The following GCA variants were observed in gnomAD, a reference collection of about 807,000 sequenced individuals.
The protein encoded by GCA is grancalcin, EF-hand calcium-binding protein.
A neutral mutation model predicts 32.6 loss-of-function variants in GCA; 30 were observed. The ratio of observed to expected loss-of-function variants is 0.92; its 90% CI spans 0.69 to 1.25. GCA has a LOEUF of 1.25. Among genes scored for constraint, GCA ranks in the 50% most tolerant of loss-of-function variants. The probability of loss-of-function intolerance (pLI) is 0.00; values close to 1 mark genes in which losing one functional copy is unlikely to be tolerated. For synonymous variants in GCA, 102 were observed against 84.6 expected (o/e 1.21, Z -1.13); for missense variants, 291 against 266.8 (o/e 1.09, Z -0.63).
At chr2:162,371,876 C>T (rs144025747), downstream of GCA, 124 of 1,613,304 alleles carry the variant, frequency 7.7e-5, no homozygotes, top group Middle Eastern at 8.3e-4. Context: ...TGAAGACCCA[C>T]GATTCCTACA....
At chr2:162,334,560 T>C (rs1482904092) in intron 1 of GCA, among the ~76,000 whole-genome samples, 1 of 152,216 alleles carries the variant, frequency 6.6e-6, no homozygotes, top group Non-Finnish European at 1.5e-5. Context: ...ATCGTTTTCA[T>C]GACTGTGCCT....
upstream of GCA, among the ~76,000 whole-genome samples, chr2:162,339,592 G>A (rs1180350098): frequency 6.6e-6 from 1 of 152,128 alleles, no homozygotes; most frequent in East Asian, 1.9e-4. Context: ...AGATCTTTAG[G>A]AGACAATTCA....
downstream of GCA, among the ~76,000 whole-genome samples, chr2:162,372,502 A>G (rs903758704): frequency 6.6e-6 from 1 of 152,174 alleles, no homozygotes; most frequent in Non-Finnish European, 1.5e-5. Flanking sequence ...CCCTAGTCAG[A>G]TAATATTACC....
At chr2:162,354,887 T>C (rs2105337231) in intron 3 of GCA, among the ~76,000 whole-genome samples, 1 of 152,316 alleles carries the variant, frequency 6.6e-6, no homozygotes, top group Admixed American at 6.5e-5. Flanking sequence ...CTGAAAAGTC[T>C]GTCTCTCCAC....
downstream of GCA, among the ~76,000 whole-genome samples, chr2:162,367,249 C>T (rs1423985548): frequency 6.6e-6 from 1 of 151,916 alleles, no homozygotes; most frequent in Admixed American, 6.6e-5. Flanking sequence ...CGCACAAGAG[C>T]TTAGCCAGTT....
At chr2:162,326,109 T>C (rs1683867160) in intron 1 of GCA, among the ~76,000 whole-genome samples, 1 of 152,190 alleles carries the variant, frequency 6.6e-6, no homozygotes, top group Admixed American at 6.5e-5. Context: ...GTCTTTAGTT[T>C]GCTGGGCTTG....
chr2:162,362,264 C>T lies in GCA; in HGVS notation c.*2021C>T, dbSNP rs1181288842. 1.3e-5 allele frequency: 13 copies of T among 984,462 alleles called. No homozygotes were observed. The highest frequency in any genetic ancestry group is 1.6e-5 in the Non-Finnish European group (13 of 829,494). The allele number at this position is 984,462 out of a possible 1,614,324, so 61.0% of individuals were successfully genotyped here. On this transcript the variant is annotated 3_prime_UTR_variant, in exon 8 of 8. Coordinates refer to ENST00000437150, the MANE Select transcript of GCA (RefSeq NM_012198.5). ...CTTTTTGACCACAGAACCCCTTTCT[C>T]TAGCAAAACCTAACATTCTATGCCG...
chr2:162,347,617 G>T lies in GCA; in HGVS notation c.67G>T (p.Gly23Ter). The part of the protein sequence containing the change: ...FSIQVPGMQM[G>*]QPVPETGPAI... ...CATTCAGGTGCCAGGAATGCAGATG[G>T]GACAGCCAGTGCCAGAAACAGGCCC... The change falls in exon 2 of 8, where the codon GGA (glycine) becomes TGA (stop). Residue 23 changes from glycine to a stop codon, truncating the protein, a stop_gained. Transcript: ENST00000437150. LOFTEE classifies it high-confidence loss of function. The T allele has an allele frequency of 1.2e-6, 2 of 1,609,422 alleles. No individual in the cohort carries two copies. The highest frequency in any genetic ancestry group is 1.7e-6 in the Non-Finnish European group (2 of 1,176,998).
At chr2:162,363,339 G>C (rs1234611308), downstream of GCA, among the ~76,000 whole-genome samples, 1 of 151,326 alleles carries the variant, frequency 6.6e-6, no homozygotes, top group Non-Finnish European at 1.5e-5. Context: ...ACTTGTGTTA[G>C]AAGATCCCAA....
chr2:162,358,036 A>G (rs918627962), intron 5 of GCA, among the ~76,000 whole-genome samples: 1 of 151,482 alleles, frequency 6.6e-6, no homozygotes, highest in African/African-American at 2.4e-5. Context: ...GCTTCTTTCA[A>G]TTTATACCTT....
At chr2:162,341,264 A>ATT (rs1393395830), upstream of GCA, among the ~76,000 whole-genome samples, 7 of 89,992 alleles carry the variant, frequency 7.8e-5, no homozygotes, top group Non-Finnish European at 1.3e-4. Flanking sequence ...TGTCTTATTT[A>ATT]TTTTATATAT....
intron 1 of GCA, among the ~76,000 whole-genome samples, chr2:162,324,815 T>C (rs186824759): frequency 6.6e-6 from 1 of 152,294 alleles, no homozygotes; most frequent in East Asian, 1.9e-4. Context: ...TACAACTAAC[T>C]GCTGTTAGAA....
chr2:162,340,256 C>A (rs569460482), upstream of GCA, among the ~76,000 whole-genome samples: 127 of 152,262 alleles, frequency 8.3e-4, no homozygotes, highest in African/African-American at 2.9e-3. Flanking sequence ...AGATAAACAG[C>A]CTGACATAGT....
downstream of GCA, among the ~76,000 whole-genome samples, chr2:162,367,017 G>C (rs539328937): frequency 1.4e-4 from 21 of 151,950 alleles, no homozygotes; most frequent in African/African-American, 4.3e-4. Flanking sequence ...ATCACACACA[G>C]ATTTACTGTA....
At chr2:162,373,666 C>T, downstream of GCA, 1 of 1,460,782 alleles carries the variant, frequency 6.8e-7, no homozygotes, top group Non-Finnish European at 9.1e-7. Context: ...TTCAAGCCTA[C>T]AGAACAGACA....
chr2:162,360,859 T>C lies in GCA; in HGVS notation c.*616T>C. On this transcript the variant is annotated 3_prime_UTR_variant, in exon 8 of 8. Transcript: ENST00000437150. The stretch of plus-strand genomic sequence containing the variant: ...GTTTTTTCCTTTTTTATTTTTTGTA[T>C]TATATATTTTTCTTAAATATGTTTT... 1 of 1,126,572 alleles carries C rather than the reference T, an allele frequency of 8.9e-7. No individual in the cohort carries two copies. The highest frequency in any genetic ancestry group is 1.1e-6 in the Non-Finnish European group (1 of 894,874). 69.8% of individuals were successfully genotyped at this position (1,126,572 alleles called of 1,614,324 possible). A position where few individuals can be genotyped will look rare whatever the true frequency, so the allele number is the denominator to read the frequency against.
chr2:162,328,002 C>A (rs1241360262), intron 1 of GCA, among the ~76,000 whole-genome samples: 1 of 152,170 alleles, frequency 6.6e-6, no homozygotes, highest in Non-Finnish European at 1.5e-5. Context: ...TGCCTGGGCT[C>A]CCACTTTGGC....
At chr2:162,329,169 G>A (rs1683990520) in intron 1 of GCA, among the ~76,000 whole-genome samples, 1 of 152,068 alleles carries the variant, frequency 6.6e-6, no homozygotes, top group Non-Finnish European at 1.5e-5. Flanking sequence ...TGCAACATTT[G>A]GGCAGGAAAT....
chr2:162,356,490 G>C lies in GCA; in HGVS notation c.306+9G>C, dbSNP rs570916802. 8 of 1,524,318 alleles carry C rather than the reference G, an allele frequency of 5.2e-6. No individual in the cohort carries two copies. The South Asian group carries it at 9.0e-5, about 17-fold the overall frequency. The allele number at this position is 1,524,318 out of a possible 1,614,324, so 94.4% of individuals were successfully genotyped here. On this transcript the variant is annotated intron_variant, in intron 4 of 7. Transcript: ENST00000437150. ...TGATTGCCATGTTGGATGTATCCTT[G>C]AATAGAAATAGAAAATACTAGAATA...
Sources: allele counts gnomAD v4.1 joint callset (sites outside exome capture counted in the v4.1 genomes callset), GRCh38; gene constraint gnomAD v4.1.1; transcripts MANE v1.5; gene names NCBI Gene and HGNC (gene_info 2026-07-23, HGNC 2026-07-21).